Variants in ASAP1 observed in about 807,000 individuals in gnomAD.
The protein encoded by ASAP1 is ArfGAP with SH3 domain, ankyrin repeat and PH domain 1.
In ASAP1, 43 loss-of-function variants were observed where a neutral mutation model predicts 145.2. The ratio of observed to expected loss-of-function variants is 0.30; its 90% CI spans 0.23 to 0.38. The LOEUF (loss-of-function observed/expected upper bound fraction) is 0.38. Among genes scored for constraint, ASAP1 ranks in the 10% least tolerant of loss-of-function variants. ASAP1 has a pLI of 1.00. For missense variants in ASAP1, 1,018 were observed against 1,355.3 expected, an observed-to-expected ratio of 0.75 and a Z score of 3.91; for synonymous variants, 546 against 515.5, an observed-to-expected ratio of 1.06 and a Z score of -0.80.
Position 130,127,968 on chromosome 8 carries a change from C to T in ASAP1, c.1340G>A (p.Arg447Gln), listed in dbSNP as rs751296461. Residue 447 changes from arginine (R) to glutamine (Q), a missense_variant, in exon 16 of 30, where the codon CGG becomes CAG. Physicochemically the swap from Arg to Gln is conservative, Grantham distance 43 (BLOSUM62 1). Coordinates refer to ENST00000518721, the MANE Select transcript of ASAP1 (RefSeq NM_018482.4). ...LTKAIIEDVQ[R>Q]LPGNDICCDC... ...GCAGCAAATGTCATTCCCTGGGAGC[C>T]GCTGGACATCCTCAATAATGGCTTT... 7 of 1,613,880 alleles carry T rather than the reference C, an allele frequency of 4.3e-6. No homozygotes were observed. The highest frequency in any genetic ancestry group is 3.3e-5 in the South Asian group (3 of 91,076).
intron 3 of ASAP1, among the ~76,000 whole-genome samples, chr8:130,276,760 T>TCTCTCTCTCTCTCTCTCTCTCTCC (rs1333515760): frequency 1.8e-4 from 23 of 130,406 alleles, no homozygotes; most frequent in South Asian, 1.7e-3. Context: ...TCTCTCTCTC[T>TCTCTCTCTCTCTCTCTCTCTCTCC]CCTCTAACAA....
chr8:130,169,804 A>G (rs187626019), intron 9 of ASAP1, among the ~76,000 whole-genome samples: 1 of 152,348 alleles, frequency 6.6e-6, no homozygotes, highest in East Asian at 1.9e-4. Flanking sequence ...CAGAGTATGT[A>G]TAAAACTTGG....
At chr8:130,220,736 G>A (rs934921887) in intron 4 of ASAP1, among the ~76,000 whole-genome samples, 3 of 152,142 alleles carry the variant, frequency 2.0e-5, no homozygotes, top group Non-Finnish European at 4.4e-5. Context: ...TTAAAAAAGA[G>A]GTTTAATTGA....
chr8:130,390,942 C>CCCCCCCA (rs1828254312), intron 2 of ASAP1, among the ~76,000 whole-genome samples: 2 of 149,432 alleles, frequency 1.3e-5, no homozygotes, highest in African/African-American at 2.5e-5. Context: ...ATCCCCCGCC[C>CCCCCCCA]CCCCAAAATT....
chr8:130,279,821 T>C (rs767161752), intron 3 of ASAP1, among the ~76,000 whole-genome samples: 1 of 152,218 alleles, frequency 6.6e-6, no homozygotes, highest in Non-Finnish European at 1.5e-5. Context: ...TCCACTAAAA[T>C]AGTTAGGGGC....
chr8:130,191,268 G>A (rs906836920), intron 5 of ASAP1, among the ~76,000 whole-genome samples: 1 of 152,168 alleles, frequency 6.6e-6, no homozygotes, highest in African/African-American at 2.4e-5. Context: ...TGTCTTCAAG[G>A]AGACCCCAAG....
chr8:130,061,701 G>A (rs938052366), intron 27 of ASAP1, among the ~76,000 whole-genome samples: 3 of 152,164 alleles, frequency 2.0e-5, no homozygotes, highest in Admixed American at 6.5e-5. Flanking sequence ...ACACACGCGT[G>A]TGCTATGTCT....
chr8:130,127,987 T>C lies in ASAP1; in HGVS notation c.1321A>G (p.Ile441Val). Residue 441 changes from isoleucine to valine, a missense_variant, in exon 16 of 30, where the codon ATT (isoleucine) becomes GTT (valine). Transcript: ENST00000518721. ...GGGAGCCGCTGGACATCCTCAATAA[T>C]GGCTTTTGTCAGGTCTTCCAGGCTG... ...ENSLEDLTKA[I>V]IEDVQRLPGN... 6.2e-7 allele frequency: 1 copy of C among 1,614,114 alleles called. No individual in the cohort carries two copies. The highest frequency in any genetic ancestry group is 8.5e-7 in the Non-Finnish European group (1 of 1,180,014).
chr8:130,365,532 A>G (rs1826910617), intron 2 of ASAP1, among the ~76,000 whole-genome samples: 1 of 152,246 alleles, frequency 6.6e-6, no homozygotes, highest in Non-Finnish European at 1.5e-5. Context: ...ATTAACCTGA[A>G]AAATGAGAAA....
At chr8:130,419,955 CTTTTT>C (rs565548652) in intron 1 of ASAP1, among the ~76,000 whole-genome samples, 5 of 130,824 alleles carry the variant, frequency 3.8e-5, no homozygotes, top group African/African-American at 1.4e-4. Context: ...CCTTCTTCTT[CTTTTT>C]TTTTTTTTTA....
chr8:130,262,708 T>C (rs765347813), intron 3 of ASAP1, among the ~76,000 whole-genome samples: 12 of 152,106 alleles, frequency 7.9e-5, no homozygotes, highest in Non-Finnish European at 1.2e-4. Flanking sequence ...CCATTGAAAA[T>C]TCCCCCCAAA....
chr8:130,134,173 G>T (rs2097588877), intron 15 of ASAP1, 123 bp downstream of exon 15: 1 of 660,688 alleles, frequency 1.5e-6, no homozygotes, highest in Admixed American at 3.3e-5. Flanking sequence ...CCACAGGCGG[G>T]AAAGAAGCAT....
At chr8:130,314,563 C>A (rs1565199675) in intron 3 of ASAP1, among the ~76,000 whole-genome samples, 1 of 152,194 alleles carries the variant, frequency 6.6e-6, no homozygotes, top group African/African-American at 2.4e-5. Context: ...AGAGTTAATA[C>A]CCACACTAGG....
At chr8:130,084,019 C>T (rs1303332966) in intron 25 of ASAP1, 1 of 152,314 alleles carries the variant, frequency 6.6e-6, no homozygotes, top group Non-Finnish European at 1.5e-5. Context: ...TCTTGAACTC[C>T]TGACCTCGAG....
At chr8:130,381,665 T>C (rs1206138942) in intron 2 of ASAP1, among the ~76,000 whole-genome samples, 1 of 152,068 alleles carries the variant, frequency 6.6e-6, no homozygotes, top group Non-Finnish European at 1.5e-5. Context: ...TAGAATAAAA[T>C]CTACTCCCAT....
intron 1 of ASAP1, 137 bp from the exon 2 acceptor site, chr8:130,402,107 G>A (rs1018982103): frequency 8.7e-6 from 5 of 571,892 alleles, no homozygotes; most frequent in Non-Finnish European, 1.5e-5. Flanking sequence ...CAGAGTGGCT[G>A]TCCAGAAATA....
intron 27 of ASAP1, among the ~76,000 whole-genome samples, chr8:130,064,909 G>GTA (rs2097427381): frequency 7.5e-6 from 1 of 133,652 alleles, no homozygotes; most frequent in Non-Finnish European, 1.8e-5. Context: ...GTGTGTGTGT[G>GTA]TGTGTGTGTG....
intron 27 of ASAP1, among the ~76,000 whole-genome samples, chr8:130,071,045 A>ACT (rs2097445224): frequency 7.5e-6 from 1 of 133,788 alleles, no homozygotes; most frequent in African/African-American, 2.9e-5. Context: ...AGAGAGAGAG[A>ACT]GAAAGCAGAG....
rs1826516941 is a variant in ASAP1, at chr8:130,358,679, C to A, written c.60-536G>T. On this transcript the variant is annotated intron_variant, in intron 2 of 29. Transcript: ENST00000518721. The surrounding 1 kb of genome is among the most constrained non-coding windows in gnomAD (Gnocchi z 4.1). ...GCCAAACAAGGAAGTGCTCTGCGCA[C>A]GCGCGCCGCCCCCAGCCCCGCCCCC... Among the ~76,000 whole-genome samples the A allele has an allele frequency of 6.9e-6, 1 of 145,744 alleles. No individual in the cohort carries two copies. The highest frequency in any genetic ancestry group is 1.5e-5 in the Non-Finnish European group (1 of 65,614).
Sources: allele counts gnomAD v4.1 joint callset (sites outside exome capture counted in the v4.1 genomes callset), GRCh38; gene constraint gnomAD v4.1.1; non-coding constraint Gnocchi (gnomAD v3.1); transcripts MANE v1.5; gene names NCBI Gene and HGNC (gene_info 2026-07-23, HGNC 2026-07-21).